The following SLC26A7 variants were observed in gnomAD, a reference collection of about 807,000 sequenced individuals.
SLC26A7 encodes the protein anion exchange transporter.
A neutral mutation model predicts 82.5 loss-of-function variants in SLC26A7; 59 were observed. The ratio of observed to expected loss-of-function variants is 0.72; its 90% CI spans 0.58 to 0.89. SLC26A7 has a LOEUF of 0.89. Ranked by LOEUF, SLC26A7 falls within the 40% of genes least tolerant of loss-of-function variation. SLC26A7 has a pLI of 0.00. For synonymous variants in SLC26A7, 271 were observed against 274.3 expected (o/e 0.99, Z 0.12); for missense variants, 820 against 793.0 (o/e 1.03, Z -0.41).
intron 8 of SLC26A7, among the ~76,000 whole-genome samples, chr8:91,342,007 G>A (rs550449691): frequency 7.4e-4 from 112 of 151,986 alleles, no homozygotes; most frequent in African/African-American, 2.7e-3. Context: ...GGCTCACTGC[G>A]GCCTCAACCT....
chr8:91,234,014 C>T (rs960930688), intron 2 of SLC26A7, among the ~76,000 whole-genome samples: 2 of 152,166 alleles, frequency 1.3e-5, no homozygotes, highest in Admixed American at 6.5e-5. Flanking sequence ...CCAAATTGAT[C>T]GGGGCAGAGG....
chr8:91,227,342 A>G (rs903529536), intron 2 of SLC26A7, among the ~76,000 whole-genome samples: 1 of 152,228 alleles, frequency 6.6e-6, no homozygotes, highest in African/African-American at 2.4e-5. Context: ...CAGAGAATAA[A>G]AAAGAGAAAC....
chr8:91,266,249 CT>C (rs1214013261), intron 2 of SLC26A7, among the ~76,000 whole-genome samples: 1 of 151,072 alleles, frequency 6.6e-6, no homozygotes, highest in South Asian at 2.1e-4. Context: ...ACATTTTAGG[CT>C]TTTTTTTCTA....
At chr8:91,273,439 G>A (rs140500762) in intron 2 of SLC26A7, among the ~76,000 whole-genome samples, 27 of 152,292 alleles carry the variant, frequency 1.8e-4, no homozygotes, top group African/African-American at 6.3e-4. Context: ...AGCTAGAAGA[G>A]CGAGGTGAGA....
chr8:91,213,867 A>T (rs1165522998), intron 1 of SLC26A7, among the ~76,000 whole-genome samples: 1 of 152,158 alleles, frequency 6.6e-6, no homozygotes, highest in Non-Finnish European at 1.5e-5. Context: ...TGGTTTGTGG[A>T]TAGGAGTGGC....
intron 2 of SLC26A7, among the ~76,000 whole-genome samples, chr8:91,219,950 G>T (rs935215537): frequency 1.3e-5 from 2 of 152,138 alleles, no homozygotes; most frequent in African/African-American, 4.8e-5. Flanking sequence ...TTGTCACTAC[G>T]TATGGTCCTT....
chr8:91,262,143 G>C (rs1053572049), intron 2 of SLC26A7, among the ~76,000 whole-genome samples: 10 of 152,044 alleles, frequency 6.6e-5, no homozygotes, highest in African/African-American at 1.9e-4. Flanking sequence ...CACTGCGCCT[G>C]GAGATGGCTG....
chr8:91,347,278 C>T (rs971906804), intron 9 of SLC26A7, among the ~76,000 whole-genome samples: 1 of 152,126 alleles, frequency 6.6e-6, no homozygotes, highest in African/African-American at 2.4e-5. Context: ...CCATTTAAAA[C>T]CAGGCTTAGG....
chr8:91,260,039 T>C (rs1027474057), intron 2 of SLC26A7, among the ~76,000 whole-genome samples: 5 of 152,142 alleles, frequency 3.3e-5, no homozygotes, highest in Non-Finnish European at 7.4e-5. Context: ...TTACTAACTT[T>C]ATAGCATTTA....
intron 8 of SLC26A7, 95 bp downstream of exon 8, chr8:91,340,646 T>C: frequency 2.0e-6 from 3 of 1,501,306 alleles, no homozygotes; most frequent in Non-Finnish European, 2.8e-6. Flanking sequence ...AAAATAAAAC[T>C]TTCCTAACTG....
intron 11 of SLC26A7, among the ~76,000 whole-genome samples, chr8:91,354,912 T>TA (rs1375762257): frequency 6.6e-6 from 1 of 151,934 alleles, no homozygotes; most frequent in African/African-American, 2.4e-5. Context: ...TCTTTTTTTT[T>TA]AAAAAAAGGA....
chr8:91,314,959 G>T, intron 4 of SLC26A7, among the ~76,000 whole-genome samples: 1 of 152,108 alleles, frequency 6.6e-6, no homozygotes, highest in East Asian at 1.9e-4. Flanking sequence ...TTGTGGAAAT[G>T]ACAAAGAAGC....
rs764671478 is a variant in SLC26A7, at chr8:91,393,932, G to A, written c.1832-4G>A. ...ATTCTTATATCACTTGTGCTTTCTTGAAGCTTCCTTGATAAAAGCAATGAC... is the reference window on the plus strand; with the variant it reads ...ATTCTTATATCACTTGTGCTTTCTTAAAGCTTCCTTGATAAAAGCAATGAC... On this transcript the variant is annotated splice_polypyrimidine_tract_variant and splice_region_variant and intron_variant, in intron 17 of 18. Coordinates refer to ENST00000276609, the MANE Select transcript of SLC26A7 (RefSeq NM_052832.4). 1 of 1,613,234 alleles carries A rather than the reference G, an allele frequency of 6.2e-7. No individual in the cohort carries two copies. Among genetic ancestry groups the A allele is most frequent in the Non-Finnish European group, 8.5e-7 (1 of 1,179,470 alleles).
intron 4 of SLC26A7, among the ~76,000 whole-genome samples, chr8:91,297,720 G>C (rs1443618126): frequency 6.6e-6 from 1 of 152,000 alleles, no homozygotes; most frequent in African/African-American, 2.4e-5. Context: ...GCATCTTTAG[G>C]ATTTAGCTGC....
At chr8:91,346,076 A>G (rs1221648441) in intron 9 of SLC26A7, among the ~76,000 whole-genome samples, 3 of 152,112 alleles carry the variant, frequency 2.0e-5, no homozygotes, top group Non-Finnish European at 4.4e-5. Flanking sequence ...TTTTTTCTGC[A>G]TGGTATTCTA....
At chr8:91,365,188 A>G (rs1814158786) in intron 13 of SLC26A7, among the ~76,000 whole-genome samples, 1 of 152,194 alleles carries the variant, frequency 6.6e-6, no homozygotes, top group Non-Finnish European at 1.5e-5. Context: ...AACTTAAAAC[A>G]ACACATTGGC....
rs1249297226 is a variant in SLC26A7, at chr8:91,225,656, T to G, written c.-34+6651T>G. 6.1e-5 allele frequency among the ~76,000 whole-genome samples: 8 copies of G among 131,718 alleles called. No individual in the cohort carries two copies. In the East Asian group the frequency reaches 1.3e-3, roughly 21 times the overall value. The allele number at this position is 131,718 out of a possible 152,430, so 86.4% of individuals were successfully genotyped here. A position where few individuals can be genotyped will look rare whatever the true frequency, so the allele number is the denominator to read the frequency against. On this transcript the variant is annotated intron_variant, in intron 2 of 5. Transcript: ENST00000522862. The stretch of plus-strand genomic sequence containing the variant: ...CCCTAGAAAAGTGTTTTTTTTTTTT[T>G]TTTTTTTTTTTTTTTTTTTACCATT...
At chr8:91,209,596 T>C (rs1475825529) in intron 1 of SLC26A7, 1 of 152,218 alleles carries the variant, frequency 6.6e-6, no homozygotes, top group Non-Finnish European at 1.5e-5. Flanking sequence ...AAGAAAAATT[T>C]TGAAAATGGG....
chr8:91,260,631 T>C (rs1256629744), intron 2 of SLC26A7, among the ~76,000 whole-genome samples: 2 of 152,066 alleles, frequency 1.3e-5, no homozygotes, highest in Non-Finnish European at 2.9e-5. Flanking sequence ...GATAGATGGA[T>C]GGGGTTTTCC....
Sources: allele counts gnomAD v4.1 joint callset (sites outside exome capture counted in the v4.1 genomes callset), GRCh38; gene constraint gnomAD v4.1.1; transcripts MANE v1.5; gene names NCBI Gene and HGNC (gene_info 2026-07-23, HGNC 2026-07-21).